Variants in CFAP97D2 observed in about 807,000 individuals in gnomAD.
The protein encoded by CFAP97D2 is uncharacterized protein CFAP97D2.
intron 4 of CFAP97D2, among the ~76,000 whole-genome samples, chr13:114,221,044 C>A (rs577818241): frequency 5.3e-5 from 8 of 152,146 alleles, no homozygotes; most frequent in African/African-American, 1.9e-4. Flanking sequence ...TTCAGGAGAT[C>A]GAGACCATCC....
Position 114,185,327 on chromosome 13 carries a change from G to A in CFAP97D2, c.90+5907G>A, listed in dbSNP as rs1345998468. 3.9e-5 allele frequency among the ~76,000 whole-genome samples: 6 copies of A among 152,320 alleles called. No individual in the cohort carries two copies. The East Asian group carries it at 7.7e-4, about 20-fold the overall frequency. ...GAGCCAGGCCGAGCTGCCTGCTGAC[G>A]GGAGAGCAGTGCAGTTGGGCACACA... is the stretch of plus-strand genomic sequence containing the variant. On this transcript the variant is annotated intron_variant, in intron 1 of 4. Coordinates refer to ENST00000646158, the Ensembl canonical transcript of CFAP97D2. The surrounding 1 kb of genome is among the most constrained non-coding windows in gnomAD (Gnocchi z 5.2).
rs2080854838 is a variant in CFAP97D2, at chr13:114,186,927, C to T, written c.90+7507C>T. ...AGCACAGCCTGCCAGTCCAAGTGGG[C>T]CCAGTGGGCCCGAGCAAAATTCGGC... is the stretch of plus-strand genomic sequence containing the variant. On this transcript the variant is annotated intron_variant, in intron 1 of 4. Coordinates refer to ENST00000646158, the Ensembl canonical transcript of CFAP97D2. This position sits in a 1 kb window ranked among gnomAD's most constrained non-coding sequence, Gnocchi z 4.3. 6.6e-6 allele frequency among the ~76,000 whole-genome samples: 1 copy of T among 152,236 alleles called. No homozygotes were observed.
rs866344604 is a variant in CFAP97D2 at position 114,185,017 on chromosome 13, G to T, written c.90+5597G>T. On this transcript the variant is annotated intron_variant, in intron 1 of 4. Coordinates refer to ENST00000646158, the Ensembl canonical transcript of CFAP97D2. This position sits in a 1 kb window ranked among gnomAD's most constrained non-coding sequence, Gnocchi z 5.2. Reference sequence around the variant, plus strand: ...ATCATGTCAGTTGCAGTGGGTGGGGGGTGGTGCATGGGTGGTGGTGGTGGA... The same window carrying T: ...ATCATGTCAGTTGCAGTGGGTGGGGTGTGGTGCATGGGTGGTGGTGGTGGA... Among the ~76,000 whole-genome samples, 1 of 152,200 alleles carries T rather than the reference G, an allele frequency of 6.6e-6. No homozygotes were observed. The highest frequency in any genetic ancestry group is 2.4e-5 in the African/African-American group (1 of 41,452).
Position 114,189,255 on chromosome 13 carries a change from C to T in CFAP97D2, c.91-7141C>T, listed in dbSNP as rs771619315. On this transcript the variant is annotated intron_variant, in intron 1 of 4. Coordinates refer to ENST00000646158, the Ensembl canonical transcript of CFAP97D2. This position sits in a 1 kb window ranked among gnomAD's most constrained non-coding sequence, Gnocchi z 4.5. Reference sequence around the variant, plus strand: ...TAACCTAAATGAAAAGGGCCAATTTCTTCAAAGGTTCAATCTGCCAAAATT... The same window carrying T: ...TAACCTAAATGAAAAGGGCCAATTTTTTCAAAGGTTCAATCTGCCAAAATT... 2.0e-5 allele frequency among the ~76,000 whole-genome samples: 3 copies of T among 152,060 alleles called. No individual in the cohort carries two copies. The highest frequency in any genetic ancestry group is 4.4e-5 in the Non-Finnish European group (3 of 68,016).
At chr13:114,202,012 G>A (rs778442320) in intron 3 of CFAP97D2, among the ~76,000 whole-genome samples, 23 of 152,168 alleles carry the variant, frequency 1.5e-4, no homozygotes, top group Non-Finnish European at 1.2e-4. Context: ...AGGTTTCCCT[G>A]AGCCTTTCGG....
chr13:114,188,560 G>T (rs895856293), intron 1 of CFAP97D2, among the ~76,000 whole-genome samples: 1 of 152,064 alleles, frequency 6.6e-6, no homozygotes, highest in Non-Finnish European at 1.5e-5. Context: ...GGCGGATCAT[G>T]AGGTCAGGAG....
chr13:114,200,499 G>C (rs1285082550), intron 3 of CFAP97D2, 56 bp downstream of exon 3: 1 of 397,894 alleles, frequency 2.5e-6, no homozygotes, highest in African/African-American at 2.1e-5. Flanking sequence ...CGAGTGCTGG[G>C]AAGGGGTTGG....
chr13:114,186,904 C>T lies in CFAP97D2; in HGVS notation c.90+7484C>T, dbSNP rs1178405630. 6.6e-6 allele frequency among the ~76,000 whole-genome samples: 1 copy of T among 152,238 alleles called. No homozygotes were observed. The highest frequency in any genetic ancestry group is 1.5e-5 in the Non-Finnish European group (1 of 68,040). Reference sequence around the variant, plus strand: ...ATCCAGGCCAGTAGCATGAGCTGAGCACAGCCTGCCAGTCCAAGTGGGCCC... The same window carrying T: ...ATCCAGGCCAGTAGCATGAGCTGAGTACAGCCTGCCAGTCCAAGTGGGCCC... On this transcript the variant is annotated intron_variant, in intron 1 of 4. Coordinates refer to ENST00000646158, the Ensembl canonical transcript of CFAP97D2. The surrounding 1 kb of genome is among the most constrained non-coding windows in gnomAD (Gnocchi z 4.3).
Position 114,185,269 on chromosome 13 carries a change from CT to C in CFAP97D2, c.90+5850del, listed in dbSNP as rs986831702. 2.0e-5 allele frequency among the ~76,000 whole-genome samples: 3 copies of C among 152,312 alleles called. No homozygotes were observed. The highest frequency in any genetic ancestry group is 7.2e-5 in the African/African-American group (3 of 41,582). On this transcript the variant is annotated intron_variant, in intron 1 of 4. Transcript: ENST00000646158. This position sits in a 1 kb window ranked among gnomAD's most constrained non-coding sequence, Gnocchi z 5.2. ...CCCGGAGCCCACCCCTGGGAGCCCC[CT>C]GGAACCTGTCACCCTAAGAGCCGCT...
chr13:114,196,386 C>T lies in CFAP97D2; in HGVS notation c.91-10C>T, dbSNP rs908511432. 4 of 399,632 alleles carry T rather than the reference C, an allele frequency of 1.0e-5. No homozygotes were observed. The highest frequency in any genetic ancestry group is 6.2e-5 in the African/African-American group (3 of 48,640). 24.8% of individuals were successfully genotyped at this position (399,632 alleles called of 1,614,324 possible). ...CTGCGCCCAGGTAACGCTGCCTCCT[C>T]ATGCCACAGGTCCAGAGCGCCCAGC... On this transcript the variant is annotated splice_polypyrimidine_tract_variant and intron_variant, in intron 1 of 4. Coordinates refer to ENST00000646158, the Ensembl canonical transcript of CFAP97D2.
At chr13:114,182,333 G>A (rs1397147315) in intron 1 of CFAP97D2, among the ~76,000 whole-genome samples, 3 of 152,146 alleles carry the variant, frequency 2.0e-5, no homozygotes, top group African/African-American at 4.8e-5. Context: ...CCGCCATAGG[G>A]CTGTTTTTCT....
intron 1 of CFAP97D2, among the ~76,000 whole-genome samples, chr13:114,182,626 G>A (rs571060451): frequency 5.1e-4 from 77 of 152,296 alleles, no homozygotes; most frequent in African/African-American, 1.8e-3. Flanking sequence ...AGTGCATTGT[G>A]CCCCTGGTTT....
At chr13:114,221,909 T>C (rs117164533) in intron 4 of CFAP97D2, among the ~76,000 whole-genome samples, 1,806 of 152,250 alleles carry the variant, frequency 0.012, 99 homozygotes, top group Admixed American at 0.081. Flanking sequence ...ACCCATACAC[T>C]GATGTTCATA....
At position 114,211,646 on chromosome 13, in the gene CFAP97D2, G is replaced by A. The variant is rs1023249308; in HGVS notation, c.291-266G>A. 6.6e-6 allele frequency among the ~76,000 whole-genome samples: 1 copy of A among 152,202 alleles called. No individual in the cohort carries two copies. The highest frequency in any genetic ancestry group is 2.4e-5 in the African/African-American group (1 of 41,446). ...GGAAGCACCGGGAGACTTCCCCGCTGTGCCCCATTGTGCTCACCCTGAAAA... is the reference window on the plus strand; with the variant it reads ...GGAAGCACCGGGAGACTTCCCCGCTATGCCCCATTGTGCTCACCCTGAAAA... On this transcript the variant is annotated intron_variant, in intron 3 of 4. Coordinates refer to ENST00000646158, the Ensembl canonical transcript of CFAP97D2. This position sits in a 1 kb window ranked among gnomAD's most constrained non-coding sequence, Gnocchi z 4.2.
At chr13:114,193,442 A>G (rs569835019) in intron 1 of CFAP97D2, among the ~76,000 whole-genome samples, 15 of 152,234 alleles carry the variant, frequency 9.9e-5, no homozygotes, top group Non-Finnish European at 1.3e-4. Flanking sequence ...AAATCAAGGC[A>G]CTGGCAGCTG....
rs966952330 is a variant in CFAP97D2 at position 114,185,025 on chromosome 13, A to G, written c.90+5605A>G. ...AGTTGCAGTGGGTGGGGGGTGGTGC[A>G]TGGGTGGTGGTGGTGGAAGCAGCTG... On this transcript the variant is annotated intron_variant, in intron 1 of 4. Coordinates refer to ENST00000646158, the Ensembl canonical transcript of CFAP97D2. This position sits in a 1 kb window ranked among gnomAD's most constrained non-coding sequence, Gnocchi z 5.2. Among the ~76,000 whole-genome samples, 3 of 152,154 alleles carry G rather than the reference A, an allele frequency of 2.0e-5. No homozygotes were observed. In the South Asian group the frequency reaches 6.2e-4, roughly 31 times the overall value.
At chr13:114,209,077 G>C (rs7323176) in intron 3 of CFAP97D2, among the ~76,000 whole-genome samples, 1 of 152,120 alleles carries the variant, frequency 6.6e-6, no homozygotes, top group Admixed American at 6.5e-5. Flanking sequence ...GCCAGCTACC[G>C]ATTACTCATG....
At chr13:114,204,561 G>C (rs916183351) in intron 3 of CFAP97D2, among the ~76,000 whole-genome samples, 2 of 152,046 alleles carry the variant, frequency 1.3e-5, no homozygotes, top group African/African-American at 4.8e-5. Context: ...TTCAACAAAG[G>C]GGCCAAGACC....
intron 1 of CFAP97D2, among the ~76,000 whole-genome samples, 196 bp from the exon 2 acceptor site, chr13:114,196,200 A>G (rs887015627): frequency 6.6e-6 from 1 of 152,022 alleles, no homozygotes; most frequent in Non-Finnish European, 1.5e-5. Context: ...AGGGCAATAG[A>G]GGCTCATTTC....
Sources: gnomAD v4.1 joint callset for allele counts (sites outside exome capture counted in the v4.1 genomes callset) on GRCh38, gnomAD v4.1.1 for gene constraint, Gnocchi (gnomAD v3.1) non-coding constraint, MANE v1.5 for transcripts, NCBI Gene and HGNC (gene_info 2026-07-23, HGNC 2026-07-21) for gene names.